Variants in SGMS1 observed in about 807,000 individuals in gnomAD.
The protein encoded by SGMS1 is phosphatidylcholine:ceramide cholinephosphotransferase 1.
In SGMS1, 13 loss-of-function variants were observed where a neutral mutation model predicts 46.2. The observed-to-expected ratio is 0.28, with a 90% CI of 0.18 to 0.45. The LOEUF (loss-of-function observed/expected upper bound fraction) is 0.45, where lower values mean the gene tolerates loss of function less well. SGMS1 is among the 20% of genes least tolerant of loss of function. The probability of loss-of-function intolerance (pLI) is 1.00; values close to 1 mark genes in which losing one functional copy is unlikely to be tolerated. For synonymous variants in SGMS1, 203 were observed against 187.8 expected (o/e 1.08, Z -0.66); for missense variants, 324 against 519.9 (o/e 0.62, Z 3.66).
intron 6 of SGMS1, among the ~76,000 whole-genome samples, chr10:50,427,651 A>C (rs1849346792): frequency 2.0e-5 from 3 of 152,182 alleles, no homozygotes; most frequent in Admixed American, 2.0e-4. Context: ...CTACATAAAC[A>C]GGTCACTGAG....
At chr10:50,549,885 A>T (rs909399929) in intron 2 of SGMS1, among the ~76,000 whole-genome samples, 3 of 152,218 alleles carry the variant, frequency 2.0e-5, no homozygotes, top group African/African-American at 7.2e-5. Flanking sequence ...TTAATTCCAT[A>T]CAACCGAGGC....
intron 8 of SGMS1, among the ~76,000 whole-genome samples, chr10:50,324,276 T>C (rs189978308): frequency 3.3e-5 from 5 of 152,334 alleles, no homozygotes; most frequent in Non-Finnish European, 7.4e-5. Flanking sequence ...AAGACTGTCT[T>C]AACCTTAACT....
At chr10:50,574,446 C>G (rs1034644049) in intron 2 of SGMS1, among the ~76,000 whole-genome samples, 1 of 152,206 alleles carries the variant, frequency 6.6e-6, no homozygotes, top group Non-Finnish European at 1.5e-5. Flanking sequence ...AATGAGATAT[C>G]ACCTCACACC....
rs188955967 is a variant in SGMS1, at chr10:50,458,180, C to T, written c.-313+2493G>A. On this transcript the variant is annotated intron_variant, in intron 5 of 10. Transcript: ENST00000361781. Reference sequence around the variant, plus strand: ...ATGAGGCTTATTTAGCTGTTTAGGACGGCCCTTGTTTGAATGCTAAACATA... The same window carrying T: ...ATGAGGCTTATTTAGCTGTTTAGGATGGCCCTTGTTTGAATGCTAAACATA... Among the ~76,000 whole-genome samples, 259 of 152,256 alleles carry T rather than the reference C, an allele frequency of 1.7e-3. 1 individual carries two copies. Among genetic ancestry groups the T allele is most frequent in the African/African-American group, 5.9e-3 (245 of 41,542 alleles).
At chr10:50,530,716 C>T (rs1837945375) in intron 2 of SGMS1, among the ~76,000 whole-genome samples, 1 of 151,994 alleles carries the variant, frequency 6.6e-6, no homozygotes, top group Admixed American at 6.6e-5. Flanking sequence ...AACTCCTGGC[C>T]TCAAGCAATG....
chr10:50,586,936 A>G (rs910651693), intron 2 of SGMS1, among the ~76,000 whole-genome samples: 2 of 152,244 alleles, frequency 1.3e-5, no homozygotes, highest in African/African-American at 4.8e-5. Context: ...ATTCTCCCAC[A>G]ATGGAATGCT....
At chr10:50,376,397 A>G (rs1011968875) in intron 6 of SGMS1, among the ~76,000 whole-genome samples, 1 of 152,184 alleles carries the variant, frequency 6.6e-6, no homozygotes, top group African/African-American at 2.4e-5. Flanking sequence ...AGGGCAACTG[A>G]TTCTTTAAAG....
At chr10:50,567,150 T>C (rs1838295753) in intron 2 of SGMS1, among the ~76,000 whole-genome samples, 1 of 152,206 alleles carries the variant, frequency 6.6e-6, no homozygotes, top group Non-Finnish European at 1.5e-5. Flanking sequence ...TTTCACCATG[T>C]TGGCCAGGCT....
intron 3 of SGMS1, among the ~76,000 whole-genome samples, chr10:50,516,205 T>G (rs1407129473): frequency 1.3e-5 from 2 of 152,176 alleles, no homozygotes; most frequent in Admixed American, 6.5e-5. Context: ...ACATCCACTT[T>G]GAAATACTTT....
intron 6 of SGMS1, among the ~76,000 whole-genome samples, chr10:50,369,711 C>T (rs1848405346): frequency 6.6e-6 from 1 of 152,166 alleles, no homozygotes; most frequent in Non-Finnish European, 1.5e-5. Flanking sequence ...CTGAAAAGAA[C>T]CAGTTTCAAC....
chr10:50,465,052 C>G (rs751080965), intron 4 of SGMS1, among the ~76,000 whole-genome samples: 31 of 152,178 alleles, frequency 2.0e-4, no homozygotes, highest in Non-Finnish European at 3.8e-4. Flanking sequence ...TTCCTCCTCA[C>G]TCCTCTGTGG....
chr10:50,488,364 T>A (rs185181458), intron 3 of SGMS1, among the ~76,000 whole-genome samples: 5 of 152,270 alleles, frequency 3.3e-5, no homozygotes, highest in East Asian at 3.9e-4. Flanking sequence ...TTTCACATAG[T>A]CTTCTTGAGA....
intron 6 of SGMS1, among the ~76,000 whole-genome samples, chr10:50,381,509 A>G (rs1197024197): frequency 6.6e-6 from 1 of 152,166 alleles, no homozygotes; most frequent in African/African-American, 2.4e-5. Context: ...ACTATTATTC[A>G]GTTTTCTTTA....
intron 2 of SGMS1, among the ~76,000 whole-genome samples, chr10:50,527,003 T>A (rs780315421): frequency 7.0e-5 from 10 of 142,478 alleles, no homozygotes; most frequent in Admixed American, 1.5e-4. Context: ...AGGTGGAGGT[T>A]GCAGTGAGCC....
chr10:50,507,744 C>A (rs754735795), intron 3 of SGMS1, among the ~76,000 whole-genome samples: 4 of 152,204 alleles, frequency 2.6e-5, no homozygotes, highest in African/African-American at 9.6e-5. Context: ...AACCACTGGG[C>A]CTGCCAGGCT....
chr10:50,515,395 G>A (rs1463373900), intron 3 of SGMS1, among the ~76,000 whole-genome samples: 1 of 152,020 alleles, frequency 6.6e-6, no homozygotes, highest in Non-Finnish European at 1.5e-5. Flanking sequence ...AAAAGAAACA[G>A]CACTCAGGTG....
intron 6 of SGMS1, among the ~76,000 whole-genome samples, chr10:50,397,654 T>C (rs1848865886): frequency 6.6e-6 from 1 of 152,192 alleles, no homozygotes; most frequent in Non-Finnish European, 1.5e-5. Context: ...TTGCTATATA[T>C]TGCTTTGGTT....
intron 4 of SGMS1, among the ~76,000 whole-genome samples, chr10:50,464,078 T>C (rs1837300365): frequency 6.6e-6 from 1 of 152,204 alleles, no homozygotes; most frequent in South Asian, 2.1e-4. Context: ...AGTTTCAGTT[T>C]TGCAACATAA....
chr10:50,407,138 C>T (rs982054378), intron 6 of SGMS1, among the ~76,000 whole-genome samples: 2 of 152,250 alleles, frequency 1.3e-5, no homozygotes, highest in Admixed American at 6.5e-5. Context: ...CCAGTGGCAA[C>T]GTGCACAAGT....
Sources: gnomAD v4.1 joint callset for allele counts (sites outside exome capture counted in the v4.1 genomes callset) on GRCh38, gnomAD v4.1.1 for gene constraint, MANE v1.5 for transcripts, NCBI Gene and HGNC (gene_info 2026-07-23, HGNC 2026-07-21) for gene names.